Variants in ERC1 observed in about 807,000 individuals in gnomAD.
ERC1 encodes the protein RAB6 interacting protein 2.
In ERC1, 56 loss-of-function variants were observed where a neutral mutation model predicts 132.0. The observed-to-expected ratio is 0.42, with a 90% CI of 0.34 to 0.53. The LOEUF (loss-of-function observed/expected upper bound fraction) is 0.53. ERC1 is among the 20% of genes least tolerant of loss of function. The pLI is 0.03. For synonymous variants in ERC1, 478 were observed against 476.1 expected (o/e 1.00, Z -0.05); for missense variants, 1,202 against 1,349.9 (o/e 0.89, Z 1.72).
At chr12:1,100,867 A>G (rs187445143) in intron 3 of ERC1, among the ~76,000 whole-genome samples, 52 of 152,288 alleles carry the variant, frequency 3.4e-4, no homozygotes, top group African/African-American at 1.2e-3. Flanking sequence ...ATACCAAGGG[A>G]ATGAGTATAG....
rs183907593 is a variant in ERC1, at chr12:1,120,537, A to G, written c.1569+4504A>G. Among the ~76,000 whole-genome samples, 4 of 152,254 alleles carry G rather than the reference A, an allele frequency of 2.6e-5. No homozygotes were observed. The East Asian group carries it at 7.7e-4, about 29-fold the overall frequency. On this transcript the variant is annotated intron_variant, in intron 7 of 18. Transcript: ENST00000360905. ...GTAACACTGGGACTTTTGATATATC[A>G]TTTACAGTATTCTCAAGAATTAAAG...
chr12:1,204,101 G>C (rs575243773), intron 12 of ERC1: 1 of 164,132 alleles, frequency 6.1e-6, no homozygotes, highest in African/African-American at 2.4e-5. Context: ...TATAAGGTGG[G>C]TGTCTATAAA....
chr12:1,209,403 A>ATTT (rs11361651), intron 12 of ERC1, among the ~76,000 whole-genome samples: 8 of 141,838 alleles, frequency 5.6e-5, no homozygotes, highest in African/African-American at 1.8e-4. Context: ...TCTTCATAGC[A>ATTT]TTTTTTTTTT....
intron 17 of ERC1, among the ~76,000 whole-genome samples, chr12:1,440,606 G>T (rs1355790722): frequency 0.093 from 1,244 of 13,442 alleles, 216 homozygotes; most frequent in African/African-American, 0.33. Context: ...CCTTTTGTGT[G>T]TGTGTGTGTG....
Position 1,258,079 on chromosome 12 carries a change from C to A in ERC1, c.2488-4955C>A, listed in dbSNP as rs1370743698. The stretch of plus-strand genomic sequence containing the variant: ...TATATTAGCTAAAGAAGAATATTTT[C>A]TTCTAAGCTAGCGGCAGATTAAGAA... On this transcript the variant is annotated intron_variant, in intron 13 of 18. Transcript: ENST00000360905. 2.6e-5 allele frequency among the ~76,000 whole-genome samples: 4 copies of A among 152,096 alleles called. No individual in the cohort carries two copies. The East Asian group carries it at 7.7e-4, about 29-fold the overall frequency.
intron 15 of ERC1, among the ~76,000 whole-genome samples, chr12:1,322,934 A>G (rs919112756): frequency 6.6e-6 from 1 of 152,186 alleles, no homozygotes; most frequent in African/African-American, 2.4e-5. Flanking sequence ...TTAAAGATTA[A>G]TATGAGTTTG....
intron 8 of ERC1, among the ~76,000 whole-genome samples, chr12:1,172,843 C>T (rs1475045391): frequency 6.6e-6 from 1 of 152,204 alleles, no homozygotes. Context: ...CTTGGTCCGT[C>T]TGTCTGTAAA....
chr12:1,280,190 G>C (rs1055956595), intron 14 of ERC1, among the ~76,000 whole-genome samples: 7 of 152,178 alleles, frequency 4.6e-5, no homozygotes, highest in African/African-American at 1.4e-4. Context: ...CATAGAAGCA[G>C]TCATCCAAGA....
chr12:1,071,415 G>C (rs974491190), intron 2 of ERC1, among the ~76,000 whole-genome samples: 1 of 152,148 alleles, frequency 6.6e-6, no homozygotes, highest in Non-Finnish European at 1.5e-5. Flanking sequence ...AGTTACTAAA[G>C]ATACTAGTCA....
intron 17 of ERC1, among the ~76,000 whole-genome samples, chr12:1,414,797 T>C (rs935056275): frequency 6.6e-6 from 1 of 152,132 alleles, no homozygotes; most frequent in Non-Finnish European, 1.5e-5. Flanking sequence ...TGTATTCCCA[T>C]CATTTAAATA....
intron 15 of ERC1, among the ~76,000 whole-genome samples, chr12:1,337,420 A>G (rs538118500): frequency 6.7e-6 from 1 of 148,782 alleles, no homozygotes; most frequent in East Asian, 2.0e-4. Context: ...ATTTATTTTG[A>G]GTCTGTGGGT....
At chr12:1,139,900 A>G (rs143987517) in intron 7 of ERC1, among the ~76,000 whole-genome samples, 3 of 152,332 alleles carry the variant, frequency 2.0e-5, no homozygotes, top group Non-Finnish European at 4.4e-5. Flanking sequence ...GATTCAGAAA[A>G]AAAAATTTAG....
chr12:1,308,020 TC>T (rs1397023169), intron 15 of ERC1, among the ~76,000 whole-genome samples: 7 of 152,136 alleles, frequency 4.6e-5, no homozygotes, highest in Non-Finnish European at 7.4e-5. Flanking sequence ...ACCTCAAAGG[TC>T]ACATTTGTGT....
chr12:1,053,255 C>T (rs908235945), intron 2 of ERC1, among the ~76,000 whole-genome samples: 4 of 152,154 alleles, frequency 2.6e-5, no homozygotes, highest in Non-Finnish European at 4.4e-5. Context: ...ATTCAGCAAA[C>T]ATTGAGTTTA....
intron 18 of ERC1, among the ~76,000 whole-genome samples, chr12:1,466,821 G>A (rs1327008726): frequency 2.0e-5 from 3 of 152,168 alleles, no homozygotes; most frequent in Admixed American, 6.5e-5. Context: ...CTTGTTTAGC[G>A]ACTGAATGAA....
At chr12:1,329,164 C>A (rs1467483703) in intron 15 of ERC1, among the ~76,000 whole-genome samples, 1 of 145,834 alleles carries the variant, frequency 6.9e-6, no homozygotes, top group Non-Finnish European at 1.5e-5. Context: ...CGTGGTGGCA[C>A]ATGCCTGTAA....
At chr12:1,287,031 G>A (rs1443393812) in intron 14 of ERC1, among the ~76,000 whole-genome samples, 1 of 152,094 alleles carries the variant, frequency 6.6e-6, no homozygotes, top group Non-Finnish European at 1.5e-5. Context: ...GCCTTATAAA[G>A]TGATAATAAT....
At chr12:1,382,142 A>T (rs1334638945) in intron 16 of ERC1, among the ~76,000 whole-genome samples, 1 of 152,172 alleles carries the variant, frequency 6.6e-6, no homozygotes, top group Non-Finnish European at 1.5e-5. Flanking sequence ...TCTAGATCCA[A>T]CTCTGTTGAT....
At chr12:1,395,776 CA>C (rs973112456) in intron 16 of ERC1, among the ~76,000 whole-genome samples, 7 of 136,628 alleles carry the variant, frequency 5.1e-5, no homozygotes, top group Admixed American at 1.4e-4. Flanking sequence ...GCAGATAGAC[CA>C]AAAAAAATTT....
Sources: allele counts gnomAD v4.1 joint callset (sites outside exome capture counted in the v4.1 genomes callset), GRCh38; gene constraint gnomAD v4.1.1; transcripts MANE v1.5; gene names NCBI Gene and HGNC (gene_info 2026-07-23, HGNC 2026-07-21).